Variants in TMEM163 observed in about 807,000 individuals in gnomAD.
TMEM163 encodes transmembrane protein 163.
A neutral mutation model predicts 29.3 loss-of-function variants in TMEM163; 17 were observed. That is an observed-to-expected ratio of 0.58 (90% CI 0.40 to 0.87). The LOEUF (loss-of-function observed/expected upper bound fraction) is 0.87. Ranked by LOEUF, TMEM163 falls within the 40% of genes least tolerant of loss-of-function variation. TMEM163 has a pLI of 0.00. For missense variants in TMEM163, 303 were observed against 381.5 expected (o/e 0.79, Z 1.71); for synonymous variants, 157 against 160.6 (o/e 0.98, Z 0.17).
chr2:134,477,564 C>T (rs570999963), intron 5 of TMEM163, among the ~76,000 whole-genome samples: 64 of 152,336 alleles, frequency 4.2e-4, no homozygotes, highest in Non-Finnish European at 5.9e-4. Context: ...AATAAAGACT[C>T]ACTGAGCACC....
At chr2:134,708,443 G>T (rs1305152997) in intron 2 of TMEM163, among the ~76,000 whole-genome samples, 1 of 152,078 alleles carries the variant, frequency 6.6e-6, no homozygotes, top group Non-Finnish European at 1.5e-5. Flanking sequence ...TAAGGGTTAA[G>T]AGTTTACATT....
In TMEM163 at chr2:134,575,723, T is replaced by C. The variant is rs563453400; in HGVS notation, c.323-23632A>G. 2.6e-5 allele frequency among the ~76,000 whole-genome samples: 4 copies of C among 152,212 alleles called. No homozygotes were observed. The South Asian group carries it at 8.3e-4, about 32-fold the overall frequency. On this transcript the variant is annotated intron_variant, in intron 2 of 7. Coordinates refer to ENST00000281924, the MANE Select transcript of TMEM163 (RefSeq NM_030923.5). ...AGTGCAATTCCTAAACAGGATCTGG[T>C]TTCATGGAGAGAGAACACAAAAGAC...
chr2:134,690,782 T>C (rs1480362646), intron 2 of TMEM163, among the ~76,000 whole-genome samples: 1 of 152,240 alleles, frequency 6.6e-6, no homozygotes, highest in East Asian at 1.9e-4. Context: ...TAATTAGACC[T>C]TGTATAATCA....
At chr2:134,573,994 A>C (rs541888630) in intron 2 of TMEM163, among the ~76,000 whole-genome samples, 14 of 152,334 alleles carry the variant, frequency 9.2e-5, no homozygotes, top group Admixed American at 3.9e-4. Flanking sequence ...TGTGTTCCAG[A>C]GCCTCTGGCT....
At chr2:134,704,473 C>T (rs777424678) in intron 2 of TMEM163, among the ~76,000 whole-genome samples, 14 of 152,138 alleles carry the variant, frequency 9.2e-5, no homozygotes, top group African/African-American at 1.7e-4. Flanking sequence ...CTTCCAGGTC[C>T]GTGTGGGACA....
intron 2 of TMEM163, among the ~76,000 whole-genome samples, chr2:134,660,456 C>T (rs1177326481): frequency 6.6e-6 from 1 of 152,146 alleles, no homozygotes; most frequent in Non-Finnish European, 1.5e-5. Flanking sequence ...GGACTGGATA[C>T]AGGCATAAGA....
chr2:134,515,120 G>C (rs889258409), intron 4 of TMEM163, among the ~76,000 whole-genome samples: 23 of 152,238 alleles, frequency 1.5e-4, no homozygotes, highest in Non-Finnish European at 3.4e-4. Context: ...TTGGAACCAA[G>C]GGAAGAAGTT....
At chr2:134,627,936 T>C (rs1204455556) in intron 2 of TMEM163, among the ~76,000 whole-genome samples, 7 of 152,168 alleles carry the variant, frequency 4.6e-5, no homozygotes, top group African/African-American at 1.7e-4. Context: ...AGTTTGCATA[T>C]AAAAATGTAT....
intron 2 of TMEM163, among the ~76,000 whole-genome samples, chr2:134,594,870 TCTCTC>T (rs1682030319): frequency 6.6e-6 from 1 of 151,336 alleles, no homozygotes; most frequent in Non-Finnish European, 1.5e-5. Context: ...TCTCTCTCTC[TCTCTC>T]TCTCTCTACT....
chr2:134,459,278 G>T (rs1173407891), intron 6 of TMEM163: 1 of 152,302 alleles, frequency 6.6e-6, no homozygotes, highest in Non-Finnish European at 1.5e-5. Flanking sequence ...AAGATGAACC[G>T]CGGACCTGCA....
At chr2:134,463,835 G>C (rs1332128897) in intron 6 of TMEM163, among the ~76,000 whole-genome samples, 1 of 152,182 alleles carries the variant, frequency 6.6e-6, no homozygotes, top group African/African-American at 2.4e-5. Context: ...CGGTGTTACT[G>C]CAACTTCACG....
chr2:134,613,462 A>T (rs1246222307), intron 2 of TMEM163, among the ~76,000 whole-genome samples: 4 of 152,210 alleles, frequency 2.6e-5, no homozygotes, highest in African/African-American at 9.6e-5. Flanking sequence ...GACAAATCAG[A>T]GTCAAAATAC....
intron 2 of TMEM163, among the ~76,000 whole-genome samples, chr2:134,558,492 G>A (rs1419874831): frequency 6.6e-6 from 1 of 152,206 alleles, no homozygotes; most frequent in Non-Finnish European, 1.5e-5. Context: ...ATATCAGCTG[G>A]AAATTCAAAT....
At chr2:134,594,654 G>A (rs940123285) in intron 2 of TMEM163, among the ~76,000 whole-genome samples, 3 of 152,218 alleles carry the variant, frequency 2.0e-5, no homozygotes, top group Non-Finnish European at 2.9e-5. Flanking sequence ...CAGAAAGCCT[G>A]CTTGCTGAGT....
At chr2:134,479,315 A>G (rs957891230) in intron 5 of TMEM163, among the ~76,000 whole-genome samples, 3 of 152,186 alleles carry the variant, frequency 2.0e-5, no homozygotes. Flanking sequence ...AAAGCCAATG[A>G]CCAGTGCATC....
chr2:134,516,703 T>TG (rs1680070726), intron 4 of TMEM163, among the ~76,000 whole-genome samples: 2 of 107,288 alleles, frequency 1.9e-5, no homozygotes, highest in Non-Finnish European at 4.2e-5. Flanking sequence ...ATGCATATAT[T>TG]CATATATACA....
chr2:134,709,740 C>G (rs973779288), intron 2 of TMEM163, among the ~76,000 whole-genome samples: 6 of 152,170 alleles, frequency 3.9e-5, no homozygotes, highest in African/African-American at 1.4e-4. Flanking sequence ...GGAAAGGGGA[C>G]TTGGAGGTGC....
chr2:134,512,285 C>T (rs1172865853), intron 4 of TMEM163, among the ~76,000 whole-genome samples: 1 of 152,088 alleles, frequency 6.6e-6, no homozygotes, highest in Non-Finnish European at 1.5e-5. Context: ...TGGTGAAACC[C>T]CATCTCTAAT....
intron 7 of TMEM163, among the ~76,000 whole-genome samples, chr2:134,457,087 T>G (rs1686414597): frequency 1.3e-5 from 2 of 152,206 alleles, no homozygotes; most frequent in South Asian, 4.1e-4. Context: ...CTTCATAATA[T>G]TTGAGGTCCA....
Sources: gnomAD v4.1 joint callset for allele counts (sites outside exome capture counted in the v4.1 genomes callset) on GRCh38, gnomAD v4.1.1 for gene constraint, MANE v1.5 for transcripts, NCBI Gene and HGNC (gene_info 2026-07-23, HGNC 2026-07-21) for gene names.